DNAJC15: variants seen among roughly 807,000 people sequenced by gnomAD.
DNAJC15 encodes DnaJ heat shock protein family (Hsp40) member C15, also known as dnaJ homolog subfamily C member 15.
DNAJC15 carries 27 observed loss-of-function variants against 22.4 expected under a neutral mutation model. The observed-to-expected ratio is 1.20, with a 90% CI of 0.89 to 1.66. The LOEUF (loss-of-function observed/expected upper bound fraction) is 1.66. Ranked by LOEUF, DNAJC15 falls within the 40% of genes most tolerant of loss-of-function variation. The pLI is 0.00. For synonymous variants in DNAJC15, 79 were observed against 63.2 expected (o/e 1.25, Z -1.19); for missense variants, 208 against 187.1 (o/e 1.11, Z -0.65).
chr13:43,077,960 C>G (rs1858180323), intron 3 of DNAJC15, among the ~76,000 whole-genome samples: 1 of 152,184 alleles, frequency 6.6e-6, no homozygotes, highest in South Asian at 2.1e-4. Flanking sequence ...TTGCACCTTT[C>G]TATTCTCTAC....
intron 5 of DNAJC15, among the ~76,000 whole-genome samples, chr13:43,100,485 T>G (rs2040762818): frequency 6.6e-6 from 1 of 152,142 alleles, no homozygotes; most frequent in Non-Finnish European, 1.5e-5. Context: ...AGTGCTGGGA[T>G]TACAAGTGTG....
chr13:43,068,827 AAC>A, intron 2 of DNAJC15, 101 bp from the exon 3 acceptor site: 1 of 899,874 alleles, frequency 1.1e-6, no homozygotes, highest in Non-Finnish European at 1.6e-6. Flanking sequence ...TTATTGCAAT[AAC>A]ATATATAAAC....
At chr13:43,097,792 C>T (rs1483698456) in intron 5 of DNAJC15, among the ~76,000 whole-genome samples, 28 of 152,052 alleles carry the variant, frequency 1.8e-4, no homozygotes, top group Admixed American at 1.8e-3. Context: ...ACAAAATTAG[C>T]CGGGCGTGGT....
intron 1 of DNAJC15, among the ~76,000 whole-genome samples, chr13:43,051,574 C>A (rs1439913119): frequency 6.6e-6 from 1 of 152,076 alleles, no homozygotes; most frequent in Non-Finnish European, 1.5e-5. Flanking sequence ...GTCTCCAACT[C>A]CATCCAGGTT....
At chr13:43,076,911 C>T (rs1231773320) in intron 3 of DNAJC15, among the ~76,000 whole-genome samples, 1 of 152,184 alleles carries the variant, frequency 6.6e-6, no homozygotes, top group Non-Finnish European at 1.5e-5. Flanking sequence ...TTCATTTCCT[C>T]ACTCTTGACT....
At chr13:43,061,065 C>G (rs971633361) in intron 1 of DNAJC15, among the ~76,000 whole-genome samples, 1 of 152,110 alleles carries the variant, frequency 6.6e-6, no homozygotes, top group Non-Finnish European at 1.5e-5. Flanking sequence ...AAGTGATTTC[C>G]TTGAGGATAG....
intron 5 of DNAJC15, among the ~76,000 whole-genome samples, chr13:43,094,266 C>T (rs189237904): frequency 6.6e-6 from 1 of 152,138 alleles, no homozygotes; most frequent in South Asian, 2.1e-4. Context: ...ACAAATCATC[C>T]AAATGTTGAT....
chr13:43,043,292 G>C (rs1328082013), intron 1 of DNAJC15, among the ~76,000 whole-genome samples: 2 of 152,018 alleles, frequency 1.3e-5, no homozygotes, highest in Non-Finnish European at 2.9e-5. Context: ...ATTTTTAGTA[G>C]AGACGGGGTT....
intron 5 of DNAJC15, among the ~76,000 whole-genome samples, chr13:43,087,559 T>C (rs1316905210): frequency 1.3e-5 from 2 of 152,194 alleles, no homozygotes; most frequent in African/African-American, 4.8e-5. Flanking sequence ...ATTTTGTTTC[T>C]TCTTCTTGGA....
chr13:43,058,675 A>G (rs1433294552), intron 1 of DNAJC15, among the ~76,000 whole-genome samples: 2 of 152,180 alleles, frequency 1.3e-5, no homozygotes, highest in Admixed American at 6.5e-5. Context: ...CTCAATTGAA[A>G]TTATCACAAA....
intron 2 of DNAJC15, 37 bp from the exon 3 acceptor site, chr13:43,068,893 A>G (rs1052618639): frequency 1.3e-6 from 2 of 1,575,004 alleles, no homozygotes; most frequent in East Asian, 2.3e-5. Flanking sequence ...TTTTGATTAT[A>G]GAAAATACAT....
At chr13:43,067,503 T>G (rs967197091) in intron 2 of DNAJC15, among the ~76,000 whole-genome samples, 5 of 152,202 alleles carry the variant, frequency 3.3e-5, no homozygotes, top group African/African-American at 1.2e-4. Context: ...AGGTTTTGAT[T>G]TGAAATTAGA....
intron 1 of DNAJC15, among the ~76,000 whole-genome samples, chr13:43,060,493 T>C (rs568207341): frequency 1.3e-5 from 2 of 152,314 alleles, no homozygotes; most frequent in South Asian, 4.1e-4. Flanking sequence ...AACGTTATTG[T>C]TTGCTTGGTT....
chr13:43,051,729 T>G (rs1391122028), intron 1 of DNAJC15, among the ~76,000 whole-genome samples: 1 of 152,074 alleles, frequency 6.6e-6, no homozygotes, highest in African/African-American at 2.4e-5. Context: ...TTTTTGCAAT[T>G]GTGAATTGTG....
intron 5 of DNAJC15, among the ~76,000 whole-genome samples, chr13:43,094,435 C>A (rs1477073065): frequency 6.6e-6 from 1 of 152,172 alleles, no homozygotes; most frequent in African/African-American, 2.4e-5. Flanking sequence ...TTACGAAGCC[C>A]TCCAGTTGAT....
intron 2 of DNAJC15, among the ~76,000 whole-genome samples, chr13:43,066,289 C>G (rs1306531083): frequency 6.6e-6 from 1 of 151,896 alleles, no homozygotes; most frequent in East Asian, 1.9e-4. Context: ...AGACTGTGCC[C>G]CTTCCAGAGG....
chr13:43,028,551 T>C (rs907492448), intron 1 of DNAJC15, among the ~76,000 whole-genome samples: 2 of 152,208 alleles, frequency 1.3e-5, no homozygotes, highest in Admixed American at 1.3e-4. Flanking sequence ...CCATCCCTTT[T>C]TATGAGTTTA....
intron 1 of DNAJC15, 96 bp downstream of exon 1, chr13:43,023,830 C>A: frequency 8.6e-7 from 1 of 1,167,276 alleles, no homozygotes; most frequent in Non-Finnish European, 1.2e-6. Flanking sequence ...TTGTACTCCC[C>A]CGCATTCGCT....
intron 5 of DNAJC15, among the ~76,000 whole-genome samples, chr13:43,101,390 C>T (rs2040768344): frequency 6.6e-6 from 1 of 152,110 alleles, no homozygotes. Flanking sequence ...TTGTTTAATC[C>T]TTTCTCATTT....
Sources: gnomAD v4.1 joint callset for allele counts (sites outside exome capture counted in the v4.1 genomes callset) on GRCh38, gnomAD v4.1.1 for gene constraint, MANE v1.5 for transcripts, NCBI Gene and HGNC (gene_info 2026-07-23, HGNC 2026-07-21) for gene names.